The following RBFOX2 variants were observed in gnomAD, a reference collection of about 807,000 sequenced individuals.
RBFOX2 encodes the protein RNA binding protein fox-1 homolog 2.
A neutral mutation model predicts 49.1 loss-of-function variants in RBFOX2; 10 were observed. That is an observed-to-expected ratio of 0.20 (90% CI 0.13 to 0.35). The LOEUF (loss-of-function observed/expected upper bound fraction) is 0.35, where lower values mean the gene tolerates loss of function less well. Among genes scored for constraint, RBFOX2 ranks in the 10% least tolerant of loss-of-function variants. RBFOX2 has a pLI of 1.00. For missense variants in RBFOX2, 323 were observed against 486.9 expected (o/e 0.66, Z 3.17); for synonymous variants, 183 against 187.4 (o/e 0.98, Z 0.19).
At chr22:35,750,890 GA>G (rs1442667490) in intron 9 of RBFOX2, among the ~76,000 whole-genome samples, 2 of 152,148 alleles carry the variant, frequency 1.3e-5, no homozygotes. Flanking sequence ...TTCTTCAAAG[GA>G]AAATGCCTTT....
intron 1 of RBFOX2, among the ~76,000 whole-genome samples, chr22:35,913,479 G>A: frequency 8.6e-6 from 1 of 116,216 alleles, no homozygotes; most frequent in East Asian, 2.5e-4. Context: ...TATTTCTATT[G>A]TGTGTGTGTG....
chr22:35,881,136 G>A (rs1050400065), intron 1 of RBFOX2, among the ~76,000 whole-genome samples: 12 of 152,100 alleles, frequency 7.9e-5, no homozygotes, highest in African/African-American at 2.7e-4. Context: ...GTGGTGGCGG[G>A]CGCCTGTAGT....
At chr22:35,861,054 T>C (rs539518227) in intron 1 of RBFOX2, among the ~76,000 whole-genome samples, 7 of 152,256 alleles carry the variant, frequency 4.6e-5, no homozygotes, top group Admixed American at 2.6e-4. Context: ...CAGAAATAGA[T>C]CCACAGGTGC....
intron 1 of RBFOX2, among the ~76,000 whole-genome samples, chr22:35,812,408 T>C (rs1952081456): frequency 6.6e-6 from 1 of 152,206 alleles, no homozygotes. Context: ...AGGATAGTTT[T>C]TATGATGTCT....
At chr22:36,014,251 T>C (rs968548295) in intron 1 of RBFOX2, among the ~76,000 whole-genome samples, 4 of 151,814 alleles carry the variant, frequency 2.6e-5, no homozygotes, top group African/African-American at 9.7e-5. Context: ...CCTCTCCGAG[T>C]AGCTGGGACT....
At chr22:35,937,857 G>A (rs2053271927) in intron 1 of RBFOX2, among the ~76,000 whole-genome samples, 1 of 152,122 alleles carries the variant, frequency 6.6e-6, no homozygotes, top group African/African-American at 2.4e-5. Flanking sequence ...CCAAAGTACT[G>A]GGATTACAGG....
At chr22:35,895,059 ACCCTCCCT>A (rs2047675095) in intron 1 of RBFOX2, among the ~76,000 whole-genome samples, 1 of 138,772 alleles carries the variant, frequency 7.2e-6, no homozygotes, top group South Asian at 2.4e-4. Flanking sequence ...CCTCCCTCTC[ACCCTCCCT>A]CCGTCCCTCC....
chr22:36,028,372 G>C lies in RBFOX2; in HGVS notation c.54C>G (p.Ala18=), dbSNP rs985653339. The C allele has an allele frequency of 1.5e-6, 2 of 1,370,312 alleles. No homozygotes were observed. Among genetic ancestry groups the C allele is most frequent in the East Asian group, 3.1e-5 (1 of 32,354 alleles). The allele number at this position is 1,370,312 out of a possible 1,614,324, so 84.9% of individuals were successfully genotyped here. Reference sequence around the variant, plus strand: ...CCGACTCCCGCTTCATGCCCCGGGCGGCGGCGCCGGGCCCGAGCTGAGGCG... The same window carrying C: ...CCGACTCCCGCTTCATGCCCCGGGCCGCGGCGCCGGGCCCGAGCTGAGGCG... Residue 18 remains alanine, a synonymous_variant, in exon 1 of 14, where the codon GCC becomes GCG. Transcript: ENST00000438146.
Position 35,783,272 on chromosome 22 carries a change from C to T in RBFOX2, c.253-1526G>A, listed in dbSNP as rs377232626. 7.2e-5 allele frequency among the ~76,000 whole-genome samples: 11 copies of T among 152,280 alleles called. No homozygotes were observed. In the East Asian group the frequency reaches 9.6e-4, roughly 13 times the overall value. ...CCGTGGGCCACCCCATTAAGCCAGT[C>T]GGAGCACCTGGACTCAGATCTCCCA... On this transcript the variant is annotated intron_variant, in intron 2 of 11. Transcript: ENST00000405409.
chr22:35,962,497 T>C (rs1473572640), upstream of RBFOX2, among the ~76,000 whole-genome samples: 2 of 152,206 alleles, frequency 1.3e-5, no homozygotes, highest in African/African-American at 4.8e-5. Flanking sequence ...TTATTATTAG[T>C]AAAATTCCTG....
chr22:35,905,944 A>G (rs949290300), intron 1 of RBFOX2, among the ~76,000 whole-genome samples: 1 of 152,174 alleles, frequency 6.6e-6, no homozygotes, highest in Non-Finnish European at 1.5e-5. Context: ...ACAATTGCCT[A>G]CAGTAATCAG....
intron 1 of RBFOX2, among the ~76,000 whole-genome samples, chr22:35,974,618 C>G (rs1360178037): frequency 6.6e-6 from 1 of 152,068 alleles, no homozygotes; most frequent in East Asian, 1.9e-4. Context: ...ACCCAGGAGG[C>G]AGAGGTTGTG....
intron 1 of RBFOX2, among the ~76,000 whole-genome samples, chr22:36,014,633 G>A (rs1424009610): frequency 2.0e-5 from 3 of 151,900 alleles, no homozygotes; most frequent in African/African-American, 2.4e-5. Context: ...CCAAACTCAA[G>A]AAAGTCAAAT....
intron 1 of RBFOX2, among the ~76,000 whole-genome samples, chr22:35,871,890 C>A (rs1157024811): frequency 6.6e-6 from 1 of 152,134 alleles, no homozygotes; most frequent in Non-Finnish European, 1.5e-5. Context: ...TGACTACTGG[C>A]GAGGCAAGCT....
rs540867359 is a variant in RBFOX2, at chr22:35,801,182, G to A, written c.252+8598C>T. ...GTGAAAGCAATTTTTAAACTGAAAA[G>A]TGAGATACAAATTTGAGGTATCATT... On this transcript the variant is annotated intron_variant, in intron 2 of 11. Transcript: ENST00000405409. 8.5e-5 allele frequency among the ~76,000 whole-genome samples: 13 copies of A among 152,206 alleles called. No individual in the cohort carries two copies. The South Asian group carries it at 2.5e-3, about 29-fold the overall frequency.
intron 1 of RBFOX2, among the ~76,000 whole-genome samples, chr22:36,013,166 T>C (rs1330809264): frequency 6.6e-6 from 1 of 152,026 alleles, no homozygotes; most frequent in East Asian, 1.9e-4. Flanking sequence ...CTCACCTACT[T>C]GGGAGGCTGA....
At chr22:35,971,322 C>G (rs999704109) in intron 1 of RBFOX2, among the ~76,000 whole-genome samples, 1 of 152,134 alleles carries the variant, frequency 6.6e-6, no homozygotes, top group Admixed American at 6.6e-5. Context: ...CATCCCCATG[C>G]AATGTTATAT....
rs568283371 is a variant in RBFOX2, at chr22:35,806,426, T to C, written c.252+3354A>G. Reference sequence around the variant, plus strand: ...CAAAGGCGCGTGGGGAATGAAGCTATATTAGACCTAAGCTGCTATATTTAA... The same window carrying C: ...CAAAGGCGCGTGGGGAATGAAGCTACATTAGACCTAAGCTGCTATATTTAA... On this transcript the variant is annotated intron_variant, in intron 2 of 11. Transcript: ENST00000405409. Among the ~76,000 whole-genome samples, 3 of 152,284 alleles carry C rather than the reference T, an allele frequency of 2.0e-5. No individual in the cohort carries two copies. The South Asian group carries it at 6.2e-4, about 32-fold the overall frequency.
chr22:36,016,466 T>G lies in RBFOX2; in HGVS notation c.186+11774A>C, dbSNP rs189225105. On this transcript the variant is annotated intron_variant, in intron 1 of 13. Coordinates refer to the RBFOX2 transcript ENST00000438146. The stretch of plus-strand genomic sequence containing the variant: ...CCAGTTAGAATCTGACAAAAATCAA[T>G]GCAGCCAGAAAAAAAAAATACATCA... Among the ~76,000 whole-genome samples the G allele has an allele frequency of 8.6e-4, 131 of 151,584 alleles. 1 individual carries two copies. The highest frequency in any genetic ancestry group is 1.7e-3 in the Non-Finnish European group (117 of 67,918).
Sources: allele counts gnomAD v4.1 joint callset (sites outside exome capture counted in the v4.1 genomes callset), GRCh38; gene constraint gnomAD v4.1.1; transcripts MANE v1.5; gene names NCBI Gene and HGNC (gene_info 2026-07-23, HGNC 2026-07-21).